GFI1B: variants seen among roughly 807,000 people sequenced by gnomAD.
The protein encoded by GFI1B is growth factor independent 1B transcriptional repressor, also known as zinc finger protein Gfi-1b.
GFI1B carries 20 observed loss-of-function variants against 35.3 expected under a neutral mutation model. That is an observed-to-expected ratio of 0.57 (90% CI 0.40 to 0.82). The LOEUF is 0.82. Ranked by LOEUF, GFI1B falls within the 40% of genes least tolerant of loss-of-function variation. GFI1B has a pLI of 0.00. For missense variants in GFI1B, 430 were observed against 446.3 expected, an observed-to-expected ratio of 0.96 and a Z score of 0.33; for synonymous variants, 178 against 177.6, an observed-to-expected ratio of 1.00 and a Z score of -0.02.
rs1849253180 is a variant in GFI1B, at chr9:132,990,374, TTCATTCATTTGTTCACTCATTTGC to T, written c.815-476_815-453del. On this transcript the variant is annotated intron_variant, in intron 6 of 6. Coordinates refer to ENST00000372122, the MANE Select transcript of GFI1B (RefSeq NM_001377304.1). ...ATTTGCTCATTCATTTGTTCACTCATTCATTCATTTGTTCACTCATTTGCTCATTCATTTGTTCACTCATTCATT... is the reference window on the plus strand; with the variant it reads ...ATTTGCTCATTCATTTGTTCACTCATTCATTCATTTGTTCACTCATTCATT... Among the ~76,000 whole-genome samples, 3 of 152,328 alleles carry T rather than the reference TTCATTCATTTGTTCACTCATTTGC, an allele frequency of 2.0e-5. No individual in the cohort carries two copies. The East Asian group carries it at 5.8e-4, about 29-fold the overall frequency.
chr9:132,958,418 A>G (rs1415977043), intron 1 of GFI1B, among the ~76,000 whole-genome samples: 3 of 152,222 alleles, frequency 2.0e-5, no homozygotes, highest in Admixed American at 6.5e-5. Flanking sequence ...GAAGCTTCCA[A>G]TCATGGCGGA....
rs554766358 is a variant in GFI1B, at chr9:132,945,667, C to G, written c.-703C>G. The G allele has an allele frequency of 1.9e-5, 3 of 154,188 alleles. No individual in the cohort carries two copies. In the East Asian group the frequency reaches 5.8e-4, roughly 30 times the overall value. 9.6% of individuals were successfully genotyped at this position (154,188 alleles called of 1,614,324 possible). ...AAAGGCATTTTGAAGGAGTAGGCAT[C>G]AGGTTGGGTTTTAAAGGAAATGTAG... On this transcript the variant is annotated splice_region_variant and 5_prime_UTR_variant, in exon 1 of 11. Transcript: ENST00000339463.
At chr9:132,945,790 G>C (rs1163368450) in intron 1 of GFI1B, 2 of 153,918 alleles carry the variant, frequency 1.3e-5, no homozygotes, top group Non-Finnish European at 2.9e-5. Context: ...AGGCGAGGCG[G>C]CTCGGGAGAG....
Position 132,966,689 on chromosome 9 carries a change from C to A in GFI1B, c.-700-6036C>A, listed in dbSNP as rs1214309269. ...TGCTTGGCGACAAAGTCCTAACCTG[C>A]AGATTGCTTCTTAATTCAGTTATGA... is the stretch of plus-strand genomic sequence containing the variant. On this transcript the variant is annotated intron_variant, in intron 1 of 10. Transcript: ENST00000339463. Among the ~76,000 whole-genome samples, 4 of 152,318 alleles carry A rather than the reference C, an allele frequency of 2.6e-5. 1 individual carries two copies. In the East Asian group the frequency reaches 7.7e-4, roughly 29 times the overall value.
At chr9:132,951,100 C>T (rs1390975702) in intron 1 of GFI1B, 1 of 152,158 alleles carries the variant, frequency 6.6e-6, no homozygotes, top group Non-Finnish European at 1.5e-5. Context: ...CCTTGACCTC[C>T]CAAAGTGCTG....
At chr9:132,952,569 G>A (rs1057187110) in intron 1 of GFI1B, 1 of 152,172 alleles carries the variant, frequency 6.6e-6, no homozygotes, top group African/African-American at 2.4e-5. Flanking sequence ...GCCTCCCAAA[G>A]TACTGGGATT....
intron 1 of GFI1B, among the ~76,000 whole-genome samples, chr9:132,954,252 C>T (rs1848247258): frequency 6.6e-6 from 1 of 151,758 alleles, no homozygotes; most frequent in Non-Finnish European, 1.5e-5. Context: ...ACCACCACAC[C>T]CAGATAATAT....
At position 132,989,277 on chromosome 9, in the gene GFI1B, G is replaced by A; in HGVS notation, c.648+79G>A. 2 of 1,430,070 alleles carry A rather than the reference G, an allele frequency of 1.4e-6. No individual in the cohort carries two copies. The highest frequency in any genetic ancestry group is 1.4e-5 in the African/African-American group (1 of 71,736). 88.6% of individuals were successfully genotyped at this position (1,430,070 alleles called of 1,614,324 possible). On this transcript the variant is annotated intron_variant, in intron 5 of 6. Coordinates refer to ENST00000372122, the MANE Select transcript of GFI1B (RefSeq NM_001377304.1). The surrounding 1 kb of genome is among the most constrained non-coding windows in gnomAD (Gnocchi z 6.2). ...CCCAGGGAGCCTGGGGGCTGTGGCT[G>A]GGTCCCTCCCCCTGCCCCTGGGGGT...
At chr9:132,957,522 C>G (rs111247578) in intron 1 of GFI1B, among the ~76,000 whole-genome samples, 46 of 152,314 alleles carry the variant, frequency 3.0e-4, no homozygotes, top group African/African-American at 1.1e-3. Context: ...CATGGGGGAA[C>G]TCAGTAGTGA....
intron 1 of GFI1B, among the ~76,000 whole-genome samples, chr9:132,961,561 C>G (rs1848363896): frequency 6.6e-6 from 1 of 151,884 alleles, no homozygotes; most frequent in Non-Finnish European, 1.5e-5. Context: ...GCCCTTCCTC[C>G]TGTCCTATCA....
At position 132,988,322 on chromosome 9, in the gene GFI1B, G is replaced by T; in HGVS notation, c.364G>T (p.Ala122Ser). 3 of 1,614,150 alleles carry T rather than the reference G, an allele frequency of 1.9e-6. No individual in the cohort carries two copies. Among genetic ancestry groups the T allele is most frequent in the Non-Finnish European group, 2.5e-6 (3 of 1,180,020 alleles). The change falls in exon 4 of 7, where the codon GCC becomes TCC. Residue 122 changes from alanine to serine, a missense_variant. Coordinates refer to ENST00000372122, the MANE Select transcript of GFI1B (RefSeq NM_001377304.1). ...ATTYGHSYRQ[A>S]PSTMQSAFLE... ...AACCTATGGCCACAGCTACCGGCAG[G>T]CCCCCTCCACCATGCAGTCAGCCTT...
chr9:132,965,570 C>T (rs756742049), intron 1 of GFI1B, among the ~76,000 whole-genome samples: 2 of 152,188 alleles, frequency 1.3e-5, no homozygotes, highest in Non-Finnish European at 2.9e-5. Context: ...GGGTTCTAAT[C>T]CAATGTCCTG....
At chr9:132,983,561 G>C (rs1309624873) in intron 1 of GFI1B, among the ~76,000 whole-genome samples, 1 of 152,132 alleles carries the variant, frequency 6.6e-6, no homozygotes, top group African/African-American at 2.4e-5. Flanking sequence ...TGTTCACCGG[G>C]TGCTGTGAGG....
At chr9:132,945,980 T>C (rs1487958986) in intron 1 of GFI1B, among the ~76,000 whole-genome samples, 2 of 152,178 alleles carry the variant, frequency 1.3e-5, no homozygotes, top group East Asian at 3.8e-4. Context: ...TTCAGAATTC[T>C]GAAAAGGCCC....
chr9:132,949,845 T>G (rs1848173882), intron 1 of GFI1B: 1 of 152,244 alleles, frequency 6.6e-6, no homozygotes, highest in African/African-American at 2.4e-5. Flanking sequence ...AAATTCCACT[T>G]TTTCATGCCT....
intron 1 of GFI1B, among the ~76,000 whole-genome samples, chr9:132,979,574 C>A (rs1173421759): frequency 6.6e-6 from 1 of 152,136 alleles, no homozygotes; most frequent in African/African-American, 2.4e-5. Flanking sequence ...AGGCGCTCTC[C>A]CCTCCAGAGC....
At chr9:132,967,414 T>C (rs778291953) in intron 1 of GFI1B, among the ~76,000 whole-genome samples, 2 of 152,114 alleles carry the variant, frequency 1.3e-5, no homozygotes, top group African/African-American at 2.4e-5. Flanking sequence ...TGGGCTCTTT[T>C]AGGGGGAAAA....
At chr9:132,974,567 C>A (rs577997428), upstream of GFI1B, among the ~76,000 whole-genome samples, 238 of 145,120 alleles carry the variant, frequency 1.6e-3, no homozygotes, top group African/African-American at 5.6e-3. Context: ...GTGCCACTGC[C>A]CTCCAGCCTA....
chr9:132,950,452 C>T (rs745577929), intron 1 of GFI1B, among the ~76,000 whole-genome samples: 28 of 151,828 alleles, frequency 1.8e-4, no homozygotes, highest in Non-Finnish European at 4.1e-4. Context: ...CTGCTGTCCC[C>T]AGGAGGTGGG....
Sources: allele counts gnomAD v4.1 joint callset (sites outside exome capture counted in the v4.1 genomes callset), GRCh38; gene constraint gnomAD v4.1.1; non-coding constraint Gnocchi (gnomAD v3.1); transcripts MANE v1.5; gene names NCBI Gene and HGNC (gene_info 2026-07-23, HGNC 2026-07-21).